Variants in UBR4 observed in about 807,000 individuals in gnomAD.
UBR4 encodes the protein E3 ubiquitin-protein ligase UBR4.
In UBR4, 124 loss-of-function variants were observed where a neutral mutation model predicts 575.6. That is an observed-to-expected ratio of 0.22 (90% CI 0.19 to 0.25). The LOEUF is 0.25. Among genes scored for constraint, UBR4 ranks in the 10% least tolerant of loss-of-function variants. The pLI is 1.00. For missense variants in UBR4, 4,818 were observed against 6,478.8 expected (o/e 0.74, Z 8.80); for synonymous variants, 2,455 against 2,473.7 (o/e 0.99, Z 0.22).
chr1:19,091,543 C>A (rs2077511062), intron 97 of UBR4, among the ~76,000 whole-genome samples: 1 of 152,190 alleles, frequency 6.6e-6, no homozygotes, highest in African/African-American at 2.4e-5. Context: ...AGACATTTCA[C>A]TGAAGATACA....
chr1:19,079,591 C>T (rs187196047), intron 103 of UBR4: 5 of 152,398 alleles, frequency 3.3e-5, no homozygotes, highest in East Asian at 1.9e-4. Context: ...TTCTGTGTCT[C>T]TGCTACTACC....
At chr1:19,202,621 C>T (rs1406108515) in intron 1 of UBR4, among the ~76,000 whole-genome samples, 2 of 151,962 alleles carry the variant, frequency 1.3e-5, no homozygotes, top group South Asian at 2.1e-4. Flanking sequence ...TAGACTAAAG[C>T]GAGATCACAA....
intron 87 of UBR4, 24 bp from the exon 88 acceptor site, chr1:19,101,665 G>A (rs747013725): frequency 6.3e-7 from 1 of 1,589,060 alleles, no homozygotes; most frequent in South Asian, 1.1e-5. Flanking sequence ...AAGCGGCCAA[G>A]TTAGGAAAGA....
At chr1:19,186,355 C>T (rs2091525442) in intron 14 of UBR4, among the ~76,000 whole-genome samples, 185 bp downstream of exon 14, 1 of 152,198 alleles carries the variant, frequency 6.6e-6, no homozygotes. Flanking sequence ...ATTCATTCAT[C>T]AACAGCTCAA....
intron 25 of UBR4, 40 bp from the exon 26 acceptor site, chr1:19,170,923 T>C (rs765588107): frequency 2.5e-6 from 4 of 1,613,682 alleles, no homozygotes; most frequent in Non-Finnish European, 2.5e-6. Context: ...CATAAGATTC[T>C]AATCCCACCA....
rs749662823 is a variant in UBR4, at chr1:19,155,555, A to G, written c.6186T>C (p.Val2062=). ...LFNEEGKNII[V]IMSSAGYIYT... is the part of the protein sequence containing the mutation. ...AGATGTACCCAGCCGAAGACATTAT[A>G]ACAATGATGTTCTTTCCCTCCTCAT... The change falls in exon 43 of 106, where the codon GTT becomes GTC. Residue 2062 remains valine, a synonymous_variant. Coordinates refer to ENST00000375254, the MANE Select transcript of UBR4 (RefSeq NM_020765.3). 4.2e-5 allele frequency: 68 copies of G among 1,614,054 alleles called. No individual in the cohort carries two copies. Among genetic ancestry groups the G allele is most frequent in the Non-Finnish European group, 5.6e-5 (66 of 1,180,014 alleles).
chr1:19,084,770 C>G, intron 101 of UBR4, 72 bp from the exon 102 acceptor site: 2 of 1,444,032 alleles, frequency 1.4e-6, no homozygotes, highest in East Asian at 4.7e-5. Context: ...GAGACAGAGC[C>G]TCCTTCCAGT....
At position 19,087,940 on chromosome 1, in the gene UBR4, A is replaced by G. The variant is rs2077172242; in HGVS notation, c.14431-11T>C. ...GCCCTTTTCATTTGTCTGTAGGGGA[A>G]CCCCGGTGGCATGTCAAGGGGATTT... On this transcript the variant is annotated splice_polypyrimidine_tract_variant and intron_variant, in intron 98 of 105. Transcript: ENST00000375254. 1 of 1,590,784 alleles carries G rather than the reference A, an allele frequency of 6.3e-7. No individual in the cohort carries two copies.
intron 81 of UBR4, 114 bp downstream of exon 81, chr1:19,109,982 G>C: frequency 6.7e-7 from 1 of 1,502,958 alleles, no homozygotes. Context: ...GAGCCTCTCA[G>C]GGGAGGTGGG....
In UBR4 at chr1:19,156,273, T is replaced by A; in HGVS notation, c.6070A>T (p.Lys2024Ter). 1 of 1,614,108 alleles carries A rather than the reference T, an allele frequency of 6.2e-7. No homozygotes were observed. The highest frequency in any genetic ancestry group is 8.5e-7 in the Non-Finnish European group (1 of 1,179,990). The change falls in exon 42 of 106, where the codon AAG (lysine) becomes TAG (stop). Residue 2024 changes from lysine to a stop codon, truncating the protein, a stop_gained and splice_region_variant. Coordinates refer to ENST00000375254, the MANE Select transcript of UBR4 (RefSeq NM_020765.3). LOFTEE classifies it high-confidence loss of function. ...ELAIVTADFV[K>*]IYDLCVDALS... ...TCATCAAAGAACTGTAACTGTACCT[T>A]AACAAAGTCTGCGGTGACAATTGCT...
intron 94 of UBR4, 147 bp downstream of exon 94, chr1:19,094,756 GTCA>G: frequency 9.5e-7 from 1 of 1,052,332 alleles, no homozygotes; most frequent in Non-Finnish European, 1.3e-6. Context: ...ATACAATTAT[GTCA>G]TCATTAGTTG....
intron 48 of UBR4, 121 bp downstream of exon 48, chr1:19,151,522 G>T: frequency 9.1e-7 from 1 of 1,094,446 alleles, no homozygotes; most frequent in Non-Finnish European, 1.4e-6. Context: ...GTTTCCTGAT[G>T]AAAGGACAGA....
At chr1:19,148,756 T>A in intron 49 of UBR4, 130 bp from the exon 50 acceptor site, 65 of 924,484 alleles carry the variant, frequency 7.0e-5, no homozygotes, top group East Asian at 2.6e-4. Context: ...CAAAGCACAA[T>A]AAGACCTGCC....
At chr1:19,127,523 C>A in intron 63 of UBR4, 100 bp downstream of exon 63, 2 of 894,956 alleles carry the variant, frequency 2.2e-6, no homozygotes, top group South Asian at 2.9e-5. Context: ...GGAACAATGG[C>A]TTTATTCTTA....
At chr1:19,175,210 T>C (rs776087939) in intron 20 of UBR4, among the ~76,000 whole-genome samples, 177 bp from the exon 21 acceptor site, 35 of 152,000 alleles carry the variant, frequency 2.3e-4, no homozygotes, top group Non-Finnish European at 4.7e-4. Context: ...CTAGGTGACT[T>C]AACAGCAGCC....
In UBR4 at chr1:19,117,274, G is replaced by A; in HGVS notation, c.10770C>T (p.Ile3590=). The change falls in exon 73 of 106, where the codon ATC becomes ATT. Residue 3590 remains isoleucine, a synonymous_variant. Coordinates refer to ENST00000375254, the MANE Select transcript of UBR4 (RefSeq NM_020765.3). The surrounding 1 kb of genome is among the most constrained non-coding windows in gnomAD (Gnocchi z 4.0). ...DLKRTKMVRT[I]NLYYNNRTVQ... ...CGGTTCGGTTGTTATAATACAGGTT[G>A]ATGGTCCGCACCATCTTGGTCCGTT... 6.2e-7 allele frequency: 1 copy of A among 1,614,184 alleles called. No homozygotes were observed. The highest frequency in any genetic ancestry group is 8.5e-7 in the Non-Finnish European group (1 of 1,180,030).
At chr1:19,114,536 T>C (rs1172278685) in intron 75 of UBR4, among the ~76,000 whole-genome samples, 2 of 152,184 alleles carry the variant, frequency 1.3e-5, no homozygotes, top group African/African-American at 2.4e-5. Context: ...GTGGAAGAAA[T>C]GCAGGGCAAA....
In UBR4 at chr1:19,187,158, ACC is replaced by A; in HGVS notation, c.1632+4_1632+5del. The A allele has an allele frequency of 6.2e-7, 1 of 1,606,396 alleles. No homozygotes were observed. The highest frequency in any genetic ancestry group is 8.5e-7 in the Non-Finnish European group (1 of 1,175,432). Reference sequence around the variant, plus strand: ...CTAAATTATCAATGGCTTAACTCCCACCCACCTTTCTGTAGGAAGTTGAAAGT... The same window carrying A: ...CTAAATTATCAATGGCTTAACTCCCACACCTTTCTGTAGGAAGTTGAAAGT... On this transcript the variant is annotated splice_donor_5th_base_variant and intron_variant, in intron 13 of 105. Coordinates refer to ENST00000375254, the MANE Select transcript of UBR4 (RefSeq NM_020765.3).
chr1:19,144,423 A>C (rs1434069291), intron 54 of UBR4, among the ~76,000 whole-genome samples: 2 of 152,254 alleles, frequency 1.3e-5, no homozygotes, highest in Non-Finnish European at 2.9e-5. Flanking sequence ...GCTCTGTGCT[A>C]AAATCAGTAG....
Sources: gnomAD v4.1 joint callset for allele counts (sites outside exome capture counted in the v4.1 genomes callset) on GRCh38, gnomAD v4.1.1 for gene constraint, Gnocchi (gnomAD v3.1) non-coding constraint, MANE v1.5 for transcripts, NCBI Gene and HGNC (gene_info 2026-07-23, HGNC 2026-07-21) for gene names.